Variants in ANKRD28 observed in about 807,000 individuals in gnomAD.
ANKRD28 encodes the protein ankyrin repeat domain 28, also known as serine/threonine-protein phosphatase 6 regulatory ankyrin repeat subunit A.
A neutral mutation model predicts 126.5 loss-of-function variants in ANKRD28; 44 were observed. The ratio of observed to expected loss-of-function variants is 0.35; its 90% CI spans 0.27 to 0.45. The LOEUF is 0.45. ANKRD28 is among the 20% of genes least tolerant of loss of function. The pLI is 1.00. For synonymous variants in ANKRD28, 442 were observed against 468.5 expected (o/e 0.94, Z 0.73); for missense variants, 1,110 against 1,316.6 (o/e 0.84, Z 2.43).
chr3:15,677,150 T>A lies in ANKRD28; in HGVS notation c.2791-94A>T. 3 of 917,530 alleles carry A rather than the reference T, an allele frequency of 3.3e-6. No homozygotes were observed. In the South Asian group the frequency reaches 4.3e-5, roughly 13 times the overall value. 56.8% of individuals were successfully genotyped at this position (917,530 alleles called of 1,614,324 possible). A position where few individuals can be genotyped will look rare whatever the true frequency, so the allele number is the denominator to read the frequency against. ...CTGCAATCCTAGTCCATATATTATG[T>A]ACAACACCATACATATACCATGAAT... On this transcript the variant is annotated intron_variant, in intron 25 of 27. Coordinates refer to ENST00000683139, the MANE Select transcript of ANKRD28 (RefSeq NM_001349278.2).
At chr3:15,730,707 G>A (rs1040092385) in intron 6 of ANKRD28, among the ~76,000 whole-genome samples, 2 of 152,166 alleles carry the variant, frequency 1.3e-5, no homozygotes, top group Non-Finnish European at 2.9e-5. Context: ...CTTATTCTGT[G>A]CTTCAGGGAA....
intron 1 of ANKRD28, among the ~76,000 whole-genome samples, chr3:15,822,540 C>T (rs2121731): frequency 0.72 from 110,010 of 152,148 alleles, 39,991 homozygotes; most frequent in East Asian, 0.93. Context: ...ACAAAAACAT[C>T]TGAGGCATGC....
intron 3 of ANKRD28, among the ~76,000 whole-genome samples, chr3:15,759,370 A>G (rs1289011743): frequency 6.6e-6 from 1 of 152,218 alleles, no homozygotes; most frequent in Non-Finnish European, 1.5e-5. Flanking sequence ...GCTAAATTTA[A>G]CAGTATTTAA....
chr3:15,740,608 AAC>A (rs1481047467), intron 4 of ANKRD28, among the ~76,000 whole-genome samples: 2 of 152,240 alleles, frequency 1.3e-5, no homozygotes, highest in African/African-American at 4.8e-5. Context: ...AAACTGGGCA[AAC>A]ACAGAATACT....
chr3:15,677,249 G>A (rs1425752853), intron 25 of ANKRD28, among the ~76,000 whole-genome samples, 193 bp from the exon 26 acceptor site: 2 of 152,136 alleles, frequency 1.3e-5, no homozygotes, highest in Admixed American at 6.5e-5. Flanking sequence ...ACAAAATTAA[G>A]ATTAAGGAAA....
rs991436104 is a variant in ANKRD28 at position 15,716,069 on chromosome 3, G to A, written c.997-1413C>T. Among the ~76,000 whole-genome samples the A allele has an allele frequency of 6.0e-5, 9 of 149,152 alleles. 1 individual carries two copies. The highest frequency in any genetic ancestry group is 1.3e-4 in the Admixed American group (2 of 14,858). ...GTGATCTCAGCTCTCAGCAACCTCC[G>A]CCTCCCGGGTTCAAGTGATTCTCCT... On this transcript the variant is annotated intron_variant, in intron 8 of 27. Transcript: ENST00000683139.
chr3:15,720,895 A>G lies in ANKRD28; in HGVS notation c.996+20T>C, dbSNP rs1318390636. ...ACAGTGACATATGAAATACTTATAG[A>G]TTCTGATTTTGTTCCTTACCTTCAT... On this transcript the variant is annotated intron_variant, in intron 8 of 27. Transcript: ENST00000683139. 6.2e-7 allele frequency: 1 copy of G among 1,606,124 alleles called. No individual in the cohort carries two copies. The highest frequency in any genetic ancestry group is 8.5e-7 in the Non-Finnish European group (1 of 1,174,798).
intron 1 of ANKRD28, among the ~76,000 whole-genome samples, chr3:15,820,857 T>C (rs1050084753): frequency 1.3e-5 from 2 of 152,220 alleles, no homozygotes; most frequent in Non-Finnish European, 2.9e-5. Flanking sequence ...ATAATACTGT[T>C]TTCCTTTTTT....
chr3:15,752,741 G>A (rs2057932216), intron 3 of ANKRD28, among the ~76,000 whole-genome samples: 1 of 152,144 alleles, frequency 6.6e-6, no homozygotes, highest in African/African-American at 2.4e-5. Context: ...ACCTAACGTT[G>A]GGGTCAACTA....
At chr3:15,777,785 G>A (rs1246820673) in intron 2 of ANKRD28, among the ~76,000 whole-genome samples, 4 of 150,628 alleles carry the variant, frequency 2.7e-5, no homozygotes, top group African/African-American at 9.7e-5. Flanking sequence ...TTTATGGTCT[G>A]TCAGAGCAGT....
chr3:15,710,534 T>C (rs2126054477), intron 12 of ANKRD28, among the ~76,000 whole-genome samples: 1 of 152,322 alleles, frequency 6.6e-6, no homozygotes, highest in South Asian at 2.1e-4. Context: ...AACGTACTCG[T>C]CCTCTGAAAT....
At chr3:15,703,958 C>T (rs1458288345) in intron 14 of ANKRD28, among the ~76,000 whole-genome samples, 1 of 152,082 alleles carries the variant, frequency 6.6e-6, no homozygotes, top group Non-Finnish European at 1.5e-5. Context: ...TGATGGTTAT[C>T]TCAGGAGAGC....
intron 1 of ANKRD28, among the ~76,000 whole-genome samples, chr3:15,806,658 A>T (rs2060586565): frequency 6.6e-6 from 1 of 152,000 alleles, no homozygotes; most frequent in South Asian, 2.1e-4. Flanking sequence ...AGTAGCTGGG[A>T]TTACAGGCGC....
rs543395080 is a variant in ANKRD28 at position 15,830,503 on chromosome 3, G to C, written c.27+28874C>G. ...TGCACATCTGAGGGATCTAGGTTAT[G>C]TGCTTTTTACAACACTCTAACTAAT... On this transcript the variant is annotated intron_variant, in intron 1 of 27. Coordinates refer to the ANKRD28 transcript ENST00000399451. This position sits in a 1 kb window ranked among gnomAD's most constrained non-coding sequence, Gnocchi z 4.5. Among the ~76,000 whole-genome samples the C allele has an allele frequency of 2.8e-4, 42 of 152,250 alleles. No individual in the cohort carries two copies. Among genetic ancestry groups the C allele is most frequent in the African/African-American group, 9.1e-4 (38 of 41,560 alleles).
intron 14 of ANKRD28, among the ~76,000 whole-genome samples, chr3:15,706,477 T>C (rs2071427809): frequency 6.6e-6 from 1 of 152,208 alleles, no homozygotes; most frequent in South Asian, 2.1e-4. Flanking sequence ...ATTTTCTTAA[T>C]CCAGTCTATC....
chr3:15,712,177 G>A lies in ANKRD28; in HGVS notation c.1236C>T (p.Ser412=), dbSNP rs779215322. 10 of 1,585,090 alleles carry A rather than the reference G, an allele frequency of 6.3e-6. No homozygotes were observed. In the East Asian group the frequency reaches 6.9e-5, roughly 11 times the overall value. The change falls in exon 11 of 28, where the codon AGC becomes AGT. Residue 412 remains serine, a synonymous_variant. Transcript: ENST00000683139. ...GTTTTCTGCAGCAATCTGAAAAGCC[G>A]CTTAAGGCTGCCAAATGGAGGGGGA... The part of the protein sequence containing the change: ...GMFPLHLAAL[S]GFSDCCRKLL...
intron 2 of ANKRD28, among the ~76,000 whole-genome samples, chr3:15,785,257 CA>C (rs2059721222): frequency 6.6e-6 from 1 of 152,042 alleles, no homozygotes; most frequent in South Asian, 2.1e-4. Flanking sequence ...TTCTGCTCCG[CA>C]AAAGACATTG....
Position 15,796,966 on chromosome 3 carries a change from G to C in ANKRD28, c.-445C>G. ...AACTGCTGTGACAGAGATGATCACAGCGATACCCACTCTTGCCTGCAAGGT... is the reference window on the plus strand; with the variant it reads ...AACTGCTGTGACAGAGATGATCACACCGATACCCACTCTTGCCTGCAAGGT... On this transcript the variant is annotated 5_prime_UTR_variant, in exon 1 of 28. Transcript: ENST00000683139. 1.0e-6 allele frequency: 1 copy of C among 985,462 alleles called. No homozygotes were observed. The highest frequency in any genetic ancestry group is 1.2e-6 in the Non-Finnish European group (1 of 830,012). The allele number at this position is 985,462 out of a possible 1,614,324, so 61.0% of individuals were successfully genotyped here. A position where few individuals can be genotyped will look rare whatever the true frequency, so the allele number is the denominator to read the frequency against.
intron 2 of ANKRD28, among the ~76,000 whole-genome samples, chr3:15,775,224 C>T (rs1266020633): frequency 1.3e-5 from 2 of 152,168 alleles, no homozygotes; most frequent in Non-Finnish European, 2.9e-5. Context: ...TATATGCATG[C>T]TTAATTAACA....
Sources: gnomAD v4.1 joint callset for allele counts (sites outside exome capture counted in the v4.1 genomes callset) on GRCh38, gnomAD v4.1.1 for gene constraint, Gnocchi (gnomAD v3.1) non-coding constraint, MANE v1.5 for transcripts, NCBI Gene and HGNC (gene_info 2026-07-23, HGNC 2026-07-21) for gene names.